The following NPR3 variants were observed in gnomAD, a reference collection of about 807,000 sequenced individuals.
NPR3 encodes atrial natriuretic peptide receptor 3.
A neutral mutation model predicts 54.5 loss-of-function variants in NPR3; 34 were observed. The observed-to-expected ratio is 0.62, with a 90% confidence interval of 0.47 to 0.83. The LOEUF (loss-of-function observed/expected upper bound fraction) is 0.83. Ranked by LOEUF, NPR3 falls within the 40% of genes least tolerant of loss-of-function variation. NPR3 has a pLI of 0.00. For synonymous variants in NPR3, 289 were observed against 297.1 expected (o/e 0.97, Z 0.28); for missense variants, 674 against 720.8 (o/e 0.94, Z 0.74).
upstream of NPR3, chr5:32,709,740 T>C (rs1469864087): frequency 1.3e-5 from 2 of 152,126 alleles, no homozygotes; most frequent in Non-Finnish European, 2.9e-5. Flanking sequence ...AGAGTGCTGT[T>C]AAGGGAGGCG....
Position 32,787,316 on chromosome 5 carries a change from TA to T in NPR3, c.*973del, listed in dbSNP as rs1742692831. ...ACTCTACAGGAATACATCAACATTT[TA>T]ACTCTTTTGCGTTTTTACTGTTTAA... On this transcript the variant is annotated 3_prime_UTR_variant, in exon 8 of 8. Transcript: ENST00000265074. 6.6e-6 allele frequency: 1 copy of T among 152,312 alleles called. No individual in the cohort carries two copies. The allele number at this position is 152,312 out of a possible 1,614,324, so 9.4% of individuals were successfully genotyped here. A position where few individuals can be genotyped will look rare whatever the true frequency, so the allele number is the denominator to read the frequency against.
intron 1 of NPR3, 83 bp downstream of exon 1, chr5:32,712,628 A>ACCCCACT: frequency 7.6e-7 from 1 of 1,307,662 alleles, no homozygotes; most frequent in Admixed American, 2.4e-5. Context: ...CACTCTGCAG[A>ACCCCACT]CCCCACTCCC....
intron 1 of NPR3, among the ~76,000 whole-genome samples, chr5:32,695,740 T>C (rs1740516087): frequency 6.6e-6 from 1 of 152,222 alleles, no homozygotes; most frequent in Non-Finnish European, 1.5e-5. Flanking sequence ...TGATATCTCA[T>C]TGTAGTTTTG....
At position 32,789,818 on chromosome 5, in the gene NPR3, T is replaced by C. The variant is rs1240721936; in HGVS notation, c.*3473T>C. ...AGAAAGTAGGTTCCAGTGGCGTCAC[T>C]ACCTTCTTGTAAGCCAGTATACACT... On this transcript the variant is annotated 3_prime_UTR_variant, in exon 8 of 8. Coordinates refer to ENST00000265074, the MANE Select transcript of NPR3 (RefSeq NM_001204375.2). 3 of 488,628 alleles carry C rather than the reference T, an allele frequency of 6.1e-6. No individual in the cohort carries two copies. Among genetic ancestry groups the C allele is most frequent in the Non-Finnish European group, 1.3e-5 (3 of 239,568 alleles). 30.3% of individuals were successfully genotyped at this position (488,628 alleles called of 1,614,324 possible).
chr5:32,712,602 T>C, intron 1 of NPR3, 57 bp downstream of exon 1: 2 of 1,467,124 alleles, frequency 1.4e-6, no homozygotes, highest in Admixed American at 2.3e-5. Flanking sequence ...TCCGCGGCTC[T>C]CCCTGCACAC....
chr5:32,722,967 T>C (rs1738942517), intron 1 of NPR3, among the ~76,000 whole-genome samples: 1 of 152,220 alleles, frequency 6.6e-6, no homozygotes, highest in African/African-American at 2.4e-5. Flanking sequence ...TTTTATGCTG[T>C]ACACCGAGCC....
chr5:32,765,198 G>T (rs1480172791), intron 3 of NPR3, among the ~76,000 whole-genome samples: 1 of 152,104 alleles, frequency 6.6e-6, no homozygotes, highest in East Asian at 1.9e-4. Context: ...CTTCCCCTTG[G>T]CAGCAGCTGC....
Position 32,738,909 on chromosome 5 carries a change from A to G in NPR3, c.938A>G (p.Lys313Arg). The G allele has an allele frequency of 6.2e-7, 1 of 1,613,948 alleles. No individual in the cohort carries two copies. The highest frequency in any genetic ancestry group is 8.5e-7 in the Non-Finnish European group (1 of 1,179,838). ...KRGDKHDFEA[K>R]QAYSSLQTVT... Reference sequence around the variant, plus strand: ...GGAGACAAACACGACTTTGAAGCTAAGCAAGCATACTCGTCCCTCCAGACA... The same window carrying G: ...GGAGACAAACACGACTTTGAAGCTAGGCAAGCATACTCGTCCCTCCAGACA... Residue 313 changes from lysine to arginine, a missense_variant, in exon 3 of 8, where the codon AAG becomes AGG. Transcript: ENST00000265074.
chr5:32,750,210 C>T (rs111348241), intron 3 of NPR3, among the ~76,000 whole-genome samples: 17 of 152,330 alleles, frequency 1.1e-4, no homozygotes, highest in African/African-American at 3.8e-4. Flanking sequence ...CTCACTGCAA[C>T]CTCCGCTTCC....
Position 32,782,959 on chromosome 5 carries a change from G to T in NPR3, c.1357G>T (p.Gly453Cys), listed in dbSNP as rs772296888. The T allele has an allele frequency of 1.9e-6, 3 of 1,610,364 alleles. No homozygotes were observed. Among genetic ancestry groups the T allele is most frequent in the Admixed American group, 1.7e-5 (1 of 59,598 alleles). ...GCGGCCGAATGTCAAATATCCTTGG[G>T]GCCCTTTAAAACTGAGAATAGATGA... Reference protein sequence around the residue: ...EMRPNVKYPWGPLKLRIDENR... With the variant: ...EMRPNVKYPWCPLKLRIDENR... The change falls in exon 6 of 8, where the codon GGC becomes TGC. Residue 453 changes from glycine to cysteine, a missense_variant. Transcript: ENST00000265074.
rs1390655975 is a variant in NPR3 at position 32,789,443 on chromosome 5, A to G, written c.*3098A>G. On this transcript the variant is annotated 3_prime_UTR_variant, in exon 8 of 8. Coordinates refer to ENST00000265074, the MANE Select transcript of NPR3 (RefSeq NM_001204375.2). ...AAACATCACATTTCTCTGAAGAACCATCAACTTGTCTTTTCTTGAACCACA... is the reference window on the plus strand; with the variant it reads ...AAACATCACATTTCTCTGAAGAACCGTCAACTTGTCTTTTCTTGAACCACA... 1.9e-6 allele frequency: 1 copy of G among 532,438 alleles called. No homozygotes were observed. The highest frequency in any genetic ancestry group is 1.9e-5 in the African/African-American group (1 of 51,762). 33.0% of individuals were successfully genotyped at this position (532,438 alleles called of 1,614,324 possible).
intron 3 of NPR3, among the ~76,000 whole-genome samples, chr5:32,741,510 C>G (rs933759595): frequency 1.1e-4 from 17 of 152,226 alleles, no homozygotes; most frequent in Middle Eastern, 6.8e-3. Context: ...TAATGGTAGT[C>G]TAAGCAAAAT....
intron 3 of NPR3, among the ~76,000 whole-genome samples, chr5:32,750,231 C>G (rs968795720): frequency 6.6e-6 from 1 of 152,210 alleles, no homozygotes; most frequent in African/African-American, 2.4e-5. Context: ...CAGGGTCAAG[C>G]AATTCTCCTG....
Position 32,783,690 on chromosome 5 carries a change from A to T in NPR3, c.1426+662A>T, listed in dbSNP as rs556948082. 2.6e-5 allele frequency: 4 copies of T among 152,340 alleles called. No homozygotes were observed. The East Asian group carries it at 7.7e-4, about 29-fold the overall frequency. 9.4% of individuals were successfully genotyped at this position (152,340 alleles called of 1,614,324 possible). On this transcript the variant is annotated intron_variant, in intron 6 of 7. Transcript: ENST00000265074. The stretch of plus-strand genomic sequence containing the variant: ...ACTGTTAGGTATTTATGTCTATGCA[A>T]TAATTATGGGAAGGAATTAAGGAGG...
In NPR3 at chr5:32,712,017, C is replaced by T. The variant is rs887748693; in HGVS notation, c.241C>T (p.Arg81Cys). The change falls in exon 1 of 8, where the codon CGC becomes TGC. Residue 81 changes from arginine to cysteine, a missense_variant. Physicochemically the swap from Arg to Cys is radical, Grantham distance 180. Transcript: ENST00000265074. Reference sequence around the variant, plus strand: ...GCGGCCGGCCATCGAGTATGCTCTGCGCAGCGTGGAGGGCAACGGGACTGG... The same window carrying T: ...GCGGCCGGCCATCGAGTATGCTCTGTGCAGCGTGGAGGGCAACGGGACTGG... ...RVRPAIEYAL[R>C]SVEGNGTGRR... 10 of 1,613,496 alleles carry T rather than the reference C, an allele frequency of 6.2e-6. No homozygotes were observed. Among genetic ancestry groups the T allele is most frequent in the Non-Finnish European group, 7.6e-6 (9 of 1,179,706 alleles).
intron 3 of NPR3, among the ~76,000 whole-genome samples, chr5:32,743,050 T>C (rs1290325894): frequency 6.6e-6 from 1 of 152,228 alleles, no homozygotes; most frequent in Non-Finnish European, 1.5e-5. Flanking sequence ...TACTGAAGCA[T>C]TGAGAGGATA....
intron 1 of NPR3, among the ~76,000 whole-genome samples, chr5:32,714,505 CTT>C (rs11295246): frequency 0.023 from 3,206 of 140,420 alleles, 124 homozygotes; most frequent in African/African-American, 0.079. Context: ...AGTCTCTTTG[CTT>C]TTTTTTTTTT....
At chr5:32,691,205 G>A (rs1285238918) in intron 1 of NPR3, among the ~76,000 whole-genome samples, 1 of 152,206 alleles carries the variant, frequency 6.6e-6, no homozygotes, top group African/African-American at 2.4e-5. Context: ...GTTATGGCTT[G>A]GGTAAGTGTT....
intron 2 of NPR3, among the ~76,000 whole-genome samples, chr5:32,727,447 G>A (rs1739197849): frequency 6.6e-6 from 1 of 152,196 alleles, no homozygotes; most frequent in African/African-American, 2.4e-5. Context: ...GGTTTTGATA[G>A]ATATTGTCCA....
Sources: allele counts gnomAD v4.1 joint callset (sites outside exome capture counted in the v4.1 genomes callset), GRCh38; gene constraint gnomAD v4.1.1; transcripts MANE v1.5; gene names NCBI Gene and HGNC (gene_info 2026-07-23, HGNC 2026-07-21).